Variants in ANKRD52 observed in about 807,000 individuals in gnomAD.
The protein encoded by ANKRD52 is ankyrin repeat domain 52.
ANKRD52 carries 7 observed loss-of-function variants against 116.0 expected under a neutral mutation model. The ratio of observed to expected loss-of-function variants is 0.06; its 90% CI spans 0.03 to 0.11. The LOEUF (loss-of-function observed/expected upper bound fraction) is 0.11, where lower values mean the gene tolerates loss of function less well. Among genes scored for constraint, ANKRD52 ranks in the 10% least tolerant of loss-of-function variants. The pLI, the probability that ANKRD52 is intolerant of heterozygous loss-of-function variation, is 1.00. For synonymous variants in ANKRD52, 528 were observed against 578.1 expected, an observed-to-expected ratio of 0.91 and a Z score of 1.24; for missense variants, 839 against 1,408.6, an observed-to-expected ratio of 0.60 and a Z score of 6.47.
In ANKRD52 at chr12:56,242,925, G is replaced by A. The variant is rs1177180345; in HGVS notation, c.*217C>T. 3.3e-6 allele frequency: 2 copies of A among 607,490 alleles called. No homozygotes were observed. Among genetic ancestry groups the A allele is most frequent in the Non-Finnish European group, 2.7e-6 (1 of 366,410 alleles). 37.6% of individuals were successfully genotyped at this position (607,490 alleles called of 1,614,324 possible). On this transcript the variant is annotated 3_prime_UTR_variant, in exon 28 of 28. Coordinates refer to ENST00000267116, the MANE Select transcript of ANKRD52 (RefSeq NM_173595.4). The surrounding 1 kb of genome is among the most constrained non-coding windows in gnomAD (Gnocchi z 4.3). Reference sequence around the variant, plus strand: ...ACTTGGCAGAAGGGGTCGCCCTGGGGGTACCAAGGGCCTGGGGTGCTCCCT... The same window carrying A: ...ACTTGGCAGAAGGGGTCGCCCTGGGAGTACCAAGGGCCTGGGGTGCTCCCT...
In ANKRD52 at chr12:56,244,536, A is replaced by G; in HGVS notation, c.2723-101T>C. The G allele has an allele frequency of 6.3e-7, 1 of 1,598,082 alleles. No individual in the cohort carries two copies. On this transcript the variant is annotated intron_variant, in intron 24 of 27. Transcript: ENST00000267116. This position sits in a 1 kb window ranked among gnomAD's most constrained non-coding sequence, Gnocchi z 4.9. Reference sequence around the variant, plus strand: ...CCGTCTGCAGATGGCGAGACATCCAAAGACAACCCTCTTGCTTTCTGAACC... The same window carrying G: ...CCGTCTGCAGATGGCGAGACATCCAGAGACAACCCTCTTGCTTTCTGAACC...
At chr12:56,256,097 C>T (rs1412074332) in intron 4 of ANKRD52, 113 bp from the exon 5 acceptor site, 45 of 1,099,258 alleles carry the variant, frequency 4.1e-5, no homozygotes, top group Middle Eastern at 4.9e-4. Flanking sequence ...AGCACAGAAT[C>T]TCTTCTCATT....
chr12:56,254,812 C>A lies in ANKRD52; in HGVS notation c.550+53G>T, dbSNP rs1340599656. 1.2e-6 allele frequency: 2 copies of A among 1,603,542 alleles called. No individual in the cohort carries two copies. The highest frequency in any genetic ancestry group is 1.7e-6 in the Non-Finnish European group (2 of 1,170,968). On this transcript the variant is annotated intron_variant, in intron 6 of 27. Transcript: ENST00000267116. This position sits in a 1 kb window ranked among gnomAD's most constrained non-coding sequence, Gnocchi z 4.6. Reference sequence around the variant, plus strand: ...CAAAGGCTGCAACCCCACATCCCTGCCCTAGGAATCCTAAATGTCAAATTT... The same window carrying A: ...CAAAGGCTGCAACCCCACATCCCTGACCTAGGAATCCTAAATGTCAAATTT...
At chr12:56,256,954 AACCCCC>A in intron 4 of ANKRD52, 55 bp downstream of exon 4, 1 of 1,540,820 alleles carries the variant, frequency 6.5e-7, no homozygotes, top group Non-Finnish European at 8.8e-7. Flanking sequence ...CTTAACCCTT[AACCCCC>A]ACCTTTAAGC....
intron 18 of ANKRD52, 104 bp downstream of exon 18, chr12:56,247,919 G>A: frequency 7.3e-7 from 1 of 1,372,658 alleles, no homozygotes; most frequent in Non-Finnish European, 1.0e-6. Flanking sequence ...ATCAGGGCTT[G>A]AAGTCTCCAT....
Position 56,245,410 on chromosome 12 carries a change from C to T in ANKRD52, c.2371G>A (p.Gly791Arg), listed in dbSNP as rs759480642. Residue 791 changes from glycine to arginine, a missense_variant, in exon 21 of 28, where the codon GGA becomes AGA. Gly to Arg is a moderately radical substitution (Grantham distance 125). This residue lies in a region of ANKRD52 where 552 missense variants were observed against 810.6 expected (regional missense o/e 0.68). Transcript: ENST00000267116. ...GAGGCCCAGTGCATGGGCGAGTATC[C>T]GCTGTAATCCACCCCGGCATCCAGG... ...DPLDAGVDYSGYSPMHWASYT... is the reference protein window; with the variant it reads ...DPLDAGVDYSRYSPMHWASYT... The T allele has an allele frequency of 1.9e-6, 3 of 1,612,578 alleles. No individual in the cohort carries two copies. The highest frequency in any genetic ancestry group is 2.2e-5 in the East Asian group (1 of 44,864).
chr12:56,254,161 T>G lies in ANKRD52; in HGVS notation c.812A>C (p.Lys271Thr), dbSNP rs575617322. ...AGCCACATGCAGTGGCGTGAAGCCC[T>G]TGTCATTCGGCTGGTTGACATTGGC... Reference protein sequence around the residue: ...AGANVNQPNDKGFTPLHVAAV... With the variant: ...AGANVNQPNDTGFTPLHVAAV... The change falls in exon 8 of 28, where the codon AAG becomes ACG. Residue 271 changes from lysine (K) to threonine (T), a missense_variant. By Grantham distance (78) the Lys-to-Thr change is moderately conservative (BLOSUM62 -1). Transcript: ENST00000267116. This position sits in a 1 kb window ranked among gnomAD's most constrained non-coding sequence, Gnocchi z 4.6. The G allele has an allele frequency of 1.2e-6, 2 of 1,613,926 alleles. No homozygotes were observed. Among genetic ancestry groups the G allele is most frequent in the Admixed American group, 3.3e-5 (2 of 60,014 alleles).
At position 56,255,554 on chromosome 12, in the gene ANKRD52, G is replaced by A. The variant is rs1275194204; in HGVS notation, c.462+230C>T. On this transcript the variant is annotated intron_variant, in intron 5 of 27. Transcript: ENST00000267116. This position sits in a 1 kb window ranked among gnomAD's most constrained non-coding sequence, Gnocchi z 4.3. ...AGACATGGACTCTCTTCAGAAAGGCGTGTATGCAAATATTTTCCACGCAAA... is the reference window on the plus strand; with the variant it reads ...AGACATGGACTCTCTTCAGAAAGGCATGTATGCAAATATTTTCCACGCAAA... 3.3e-5 allele frequency among the ~76,000 whole-genome samples: 5 copies of A among 152,366 alleles called. No individual in the cohort carries two copies. The highest frequency in any genetic ancestry group is 1.9e-4 in the East Asian group (1 of 5,194).
Position 56,244,565 on chromosome 12 carries a change from GC to G in ANKRD52, c.2722+86del, listed in dbSNP as rs1871308513. ...CAACCCTCTTGCTTTCTGAACCCCAGCCCCAGCCAGCCTCCACAGGCAGGGC... is the reference window on the plus strand; with the variant it reads ...CAACCCTCTTGCTTTCTGAACCCCAGCCCAGCCAGCCTCCACAGGCAGGGC... On this transcript the variant is annotated intron_variant, in intron 24 of 27. Coordinates refer to ENST00000267116, the MANE Select transcript of ANKRD52 (RefSeq NM_173595.4). The surrounding 1 kb of genome is among the most constrained non-coding windows in gnomAD (Gnocchi z 4.9). 1 of 1,601,268 alleles carries G rather than the reference GC, an allele frequency of 6.2e-7. No individual in the cohort carries two copies. Among genetic ancestry groups the G allele is most frequent in the African/African-American group, 1.3e-5 (1 of 74,634 alleles).
At chr12:56,247,980 T>C in intron 18 of ANKRD52, 43 bp downstream of exon 18, 1 of 1,539,808 alleles carries the variant, frequency 6.5e-7, no homozygotes, top group Non-Finnish European at 8.7e-7. Flanking sequence ...AGGAGGGATC[T>C]GGCATGGCAA....
intron 18 of ANKRD52, 55 bp downstream of exon 18, chr12:56,247,968 C>T: frequency 6.6e-7 from 1 of 1,519,352 alleles, no homozygotes; most frequent in Non-Finnish European, 8.9e-7. Flanking sequence ...CCATTCCCAT[C>T]CAGGAGGGAT....
chr12:56,249,779 C>T (rs979906093), intron 15 of ANKRD52, among the ~76,000 whole-genome samples: 2 of 152,242 alleles, frequency 1.3e-5, no homozygotes, highest in African/African-American at 2.4e-5. Flanking sequence ...GTGGCTCACG[C>T]CTGCAATCCT....
Position 56,243,566 on chromosome 12 carries a change from G to A in ANKRD52, c.2981-174C>T, listed in dbSNP as rs1002754103. Among the ~76,000 whole-genome samples, 9 of 152,332 alleles carry A rather than the reference G, an allele frequency of 5.9e-5. No homozygotes were observed. The highest frequency in any genetic ancestry group is 2.1e-4 in the South Asian group (1 of 4,834). ...GCTGACAGGCAGATTCTCTAAGTAC[G>A]GGTTAAAGGGCGGGCATGGGAGTCA... On this transcript the variant is annotated intron_variant, in intron 27 of 27. Transcript: ENST00000267116. This position sits in a 1 kb window ranked among gnomAD's most constrained non-coding sequence, Gnocchi z 4.6.
Position 56,253,731 on chromosome 12 carries a change from T to C in ANKRD52, c.976A>G (p.Ile326Val), listed in dbSNP as rs2135890870. 6.2e-7 allele frequency: 1 copy of C among 1,613,622 alleles called. No homozygotes were observed. Among genetic ancestry groups the C allele is most frequent in the East Asian group, 2.2e-5 (1 of 44,880 alleles). The part of the protein sequence containing the change: ...HGRFTRSQIL[I>V]QNGSEIDCAD... Reference sequence around the variant, plus strand: ...TCTCCCAGGTCCATACCATTCTGGATGAGGATCTGGGAGCGTGTGAAACGG... The same window carrying C: ...TCTCCCAGGTCCATACCATTCTGGACGAGGATCTGGGAGCGTGTGAAACGG... Residue 326 changes from isoleucine (I) to valine (V), a missense_variant, in exon 9 of 28, where the codon ATC becomes GTC. Around this residue, in one of 2 missense-constraint regions of ANKRD52, gnomAD observed 287 missense variants for 598.1 expected, o/e 0.48. Coordinates refer to ENST00000267116, the MANE Select transcript of ANKRD52 (RefSeq NM_173595.4). The surrounding 1 kb of genome is among the most constrained non-coding windows in gnomAD (Gnocchi z 5.5).
In ANKRD52 at chr12:56,245,498, G is replaced by A; in HGVS notation, c.2283C>T (p.Ala761=). 1 of 1,611,756 alleles carries A rather than the reference G, an allele frequency of 6.2e-7. No individual in the cohort carries two copies. The highest frequency in any genetic ancestry group is 1.1e-5 in the South Asian group (1 of 90,992). The change falls in exon 21 of 28, where the codon GCC becomes GCT. Residue 761 remains alanine (A), a synonymous_variant. Transcript: ENST00000267116. ...GTACTGCAGTGTGGCCACAGGCTGAGGCCAGGTGAATGGGCGTGCGGCCCT... is the reference window on the plus strand; with the variant it reads ...GTACTGCAGTGTGGCCACAGGCTGAAGCCAGGTGAATGGGCGTGCGGCCCT... ...DFKGRTPIHL[A]SACGHTAVLR... is the part of the protein sequence containing the mutation.
Position 56,239,337 on chromosome 12 carries a change from G to A in ANKRD52, c.*3805C>T, listed in dbSNP as rs1871060408. 6.6e-6 allele frequency: 1 copy of A among 152,294 alleles called. No homozygotes were observed. The highest frequency in any genetic ancestry group is 6.5e-5 in the Admixed American group (1 of 15,288). The allele number at this position is 152,294 out of a possible 1,614,324, so 9.4% of individuals were successfully genotyped here. A position where few individuals can be genotyped will look rare whatever the true frequency, so the allele number is the denominator to read the frequency against. On this transcript the variant is annotated 3_prime_UTR_variant, in exon 28 of 28. Coordinates refer to ENST00000267116, the MANE Select transcript of ANKRD52 (RefSeq NM_173595.4). Reference sequence around the variant, plus strand: ...CCTGGGTCAAGGCTGCAGAAGGCTGGAGCCACCACAATTAGAGGGGAAGGG... The same window carrying A: ...CCTGGGTCAAGGCTGCAGAAGGCTGAAGCCACCACAATTAGAGGGGAAGGG...
At position 56,256,852 on chromosome 12, in the gene ANKRD52, C is replaced by T. The variant is rs1871977939; in HGVS notation, c.261+163G>A. 2.0e-5 allele frequency among the ~76,000 whole-genome samples: 3 copies of T among 152,316 alleles called. No individual in the cohort carries two copies. The South Asian group carries it at 6.2e-4, about 32-fold the overall frequency. ...CAGCTGGCAGCACTCAACCCCCTTACTGGCCAGTTCTAGGGGTAGGAGGAA... is the reference window on the plus strand; with the variant it reads ...CAGCTGGCAGCACTCAACCCCCTTATTGGCCAGTTCTAGGGGTAGGAGGAA... On this transcript the variant is annotated intron_variant, in intron 4 of 27. Transcript: ENST00000267116.
chr12:56,250,768 G>A (rs1871651467), intron 15 of ANKRD52, among the ~76,000 whole-genome samples: 1 of 149,060 alleles, frequency 6.7e-6, no homozygotes, highest in South Asian at 2.1e-4. Flanking sequence ...AAGAAAAATT[G>A]TGAAGATAGT....
chr12:56,245,708 CTT>C (rs918818332), intron 20 of ANKRD52, 112 bp from the exon 21 acceptor site: 34,686 of 381,694 alleles, frequency 0.091, no homozygotes, highest in Middle Eastern at 0.12. Flanking sequence ...CAATCCTTGT[CTT>C]TTTTTTTTTT....
Sources: allele counts gnomAD v4.1 joint callset (sites outside exome capture counted in the v4.1 genomes callset), GRCh38; gene constraint gnomAD v4.1.1; regional missense constraint gnomAD v4.1.1; non-coding constraint Gnocchi (gnomAD v3.1); transcripts MANE v1.5; gene names NCBI Gene and HGNC (gene_info 2026-07-23, HGNC 2026-07-21).